Variants in NBAS observed in about 807,000 individuals in gnomAD.
NBAS encodes the protein NAG/BC035112 fusion.
A neutral mutation model predicts 302.5 loss-of-function variants in NBAS; 219 were observed. The observed-to-expected ratio is 0.72, with a 90% confidence interval of 0.65 to 0.81. The LOEUF is 0.81. NBAS is among the 30% of genes least tolerant of loss of function. NBAS has a pLI of 0.00. For missense variants in NBAS, 2,932 were observed against 2,841.6 expected, an observed-to-expected ratio of 1.03 and a Z score of -0.72; for synonymous variants, 1,118 against 1,021.6, an observed-to-expected ratio of 1.09 and a Z score of -1.80.
chr2:14,780,705 C>T, the NBAS span, among the ~76,000 whole-genome samples: 1 of 152,338 alleles, frequency 6.6e-6, no homozygotes, highest in South Asian at 2.1e-4. Context: ...TAGAACCCCA[C>T]TTTCACCCCA....
intron 1 of NBAS, 29 bp downstream of exon 1, chr2:15,561,159 G>T: frequency 6.2e-7 from 1 of 1,602,872 alleles, no homozygotes. Context: ...GCGCCAAGCT[G>T]GCTGCTGCTG....
chr2:14,842,118 T>G, the NBAS span, among the ~76,000 whole-genome samples: 1 of 151,948 alleles, frequency 6.6e-6, no homozygotes, highest in Non-Finnish European at 1.5e-5. Context: ...GAGGGAAATT[T>G]TCAAACTTCT....
intron 6 of NBAS, 141 bp from the exon 7 acceptor site, chr2:15,539,497 TA>T (rs201994226): frequency 1.9e-6 from 2 of 1,036,834 alleles, no homozygotes; most frequent in Admixed American, 2.2e-5. Context: ...CTTCCCTCAA[TA>T]AAAAAGAGCA....
chr2:15,497,217 T>G (rs1158133229), intron 11 of NBAS, among the ~76,000 whole-genome samples: 1 of 152,196 alleles, frequency 6.6e-6, no homozygotes, highest in Admixed American at 6.5e-5. Flanking sequence ...CTGTCATCAT[T>G]CTTAGTTCAA....
At chr2:14,792,475 G>A in the NBAS span, among the ~76,000 whole-genome samples, 1 of 152,056 alleles carries the variant, frequency 6.6e-6, no homozygotes, top group Admixed American at 6.6e-5. Flanking sequence ...AGTATTGGGA[G>A]GGAGTATCAT....
intron 47 of NBAS, among the ~76,000 whole-genome samples, chr2:15,229,273 A>T (rs1195509037): frequency 3.5e-5 from 5 of 141,048 alleles, no homozygotes; most frequent in Non-Finnish European, 6.1e-5. Flanking sequence ...ACCCGGGGGC[A>T]GAGGTTGCAG....
Position 15,475,841 on chromosome 2 carries a change from C to T in NBAS, c.1187G>A (p.Trp396Ter), listed in dbSNP as rs1191094905. 2 of 1,613,926 alleles carry T rather than the reference C, an allele frequency of 1.2e-6. No individual in the cohort carries two copies. Among genetic ancestry groups the T allele is most frequent in the Non-Finnish European group, 1.7e-6 (2 of 1,179,900 alleles). ...AGCTAAAGTCACTGCACTGTCTGCCCACCAATTGACATCTATCAGTGGGTA... is the reference window on the plus strand; with the variant it reads ...AGCTAAAGTCACTGCACTGTCTGCCTACCAATTGACATCTATCAGTGGGTA... ...SFYPLIDVNW[W>*]ADSAVTLARC... The change falls in exon 14 of 52, where the codon TGG becomes TAG. Residue 396 changes from tryptophan (W) to a stop codon, truncating the protein, a stop_gained. Transcript: ENST00000281513. LOFTEE classifies it high-confidence loss of function.
chr2:15,049,412 C>T, the NBAS span, among the ~76,000 whole-genome samples: 3 of 152,192 alleles, frequency 2.0e-5, no homozygotes, highest in African/African-American at 7.2e-5. Context: ...CTCCTGCAGC[C>T]TGGAGGTCCC....
chr2:15,432,333 G>A lies in NBAS; in HGVS notation c.2340-4539C>T, dbSNP rs1301976478. ...TCAAATTATCTCTTTACAAAATAAT[G>A]GCTGCTTTTACTTAATTTTAGGATT... On this transcript the variant is annotated intron_variant, in intron 21 of 51. Transcript: ENST00000281513. Among the ~76,000 whole-genome samples, 3 of 149,192 alleles carry A rather than the reference G, an allele frequency of 2.0e-5. No individual in the cohort carries two copies. The East Asian group carries it at 5.8e-4, about 29-fold the overall frequency.
the NBAS span, among the ~76,000 whole-genome samples, chr2:15,044,019 T>C: frequency 6.6e-6 from 1 of 152,182 alleles, no homozygotes; most frequent in Non-Finnish European, 1.5e-5. Flanking sequence ...GCTGATTGAC[T>C]GGATGGATAA....
the NBAS span, among the ~76,000 whole-genome samples, chr2:15,010,307 A>G: frequency 6.6e-6 from 1 of 152,204 alleles, no homozygotes; most frequent in African/African-American, 2.4e-5. Context: ...AAAATTAAAA[A>G]TTAATATGAA....
chr2:14,912,067 C>A, the NBAS span, among the ~76,000 whole-genome samples: 2 of 152,166 alleles, frequency 1.3e-5, no homozygotes, highest in Non-Finnish European at 2.9e-5. Flanking sequence ...AGTCTTCAAA[C>A]CTTTACAGCA....
the NBAS span, among the ~76,000 whole-genome samples, chr2:14,887,399 C>CAAAA: frequency 1.2e-5 from 1 of 84,624 alleles, no homozygotes; most frequent in African/African-American, 4.5e-5. Flanking sequence ...TGAGACTCCT[C>CAAAA]AAAAAAAAAA....
chr2:14,931,881 T>C, the NBAS span, among the ~76,000 whole-genome samples: 2 of 152,248 alleles, frequency 1.3e-5, no homozygotes, highest in Non-Finnish European at 2.9e-5. Context: ...TGTTTTCTTA[T>C]GTATTAGAAT....
chr2:15,352,537 G>A (rs1199198976), intron 34 of NBAS, among the ~76,000 whole-genome samples: 1 of 152,156 alleles, frequency 6.6e-6, no homozygotes, highest in African/African-American at 2.4e-5. Context: ...TTTGACCTTT[G>A]GCTTAGAGCT....
At chr2:15,097,134 T>C in the NBAS span, among the ~76,000 whole-genome samples, 1 of 152,114 alleles carries the variant, frequency 6.6e-6, no homozygotes, top group African/African-American at 2.4e-5. Context: ...CTGAGGTATT[T>C]ATGTAGCACC....
intron 25 of NBAS, among the ~76,000 whole-genome samples, chr2:15,409,920 G>C (rs1262653161): frequency 2.6e-5 from 4 of 152,110 alleles, no homozygotes; most frequent in Non-Finnish European, 5.9e-5. Context: ...AAGCAAACTA[G>C]GTATCACCAG....
chr2:15,455,523 T>C (rs1053389826), intron 21 of NBAS, among the ~76,000 whole-genome samples: 2 of 152,080 alleles, frequency 1.3e-5, no homozygotes, highest in Non-Finnish European at 2.9e-5. Flanking sequence ...GCAATAAGTA[T>C]ATGAAGTATA....
chr2:15,460,217 T>G (rs1188523270), intron 21 of NBAS, among the ~76,000 whole-genome samples: 1 of 152,210 alleles, frequency 6.6e-6, no homozygotes, highest in East Asian at 1.9e-4. Flanking sequence ...AACAGTGTAC[T>G]ACAAGGTACT....
Sources: gnomAD v4.1 joint callset for allele counts (sites outside exome capture counted in the v4.1 genomes callset) on GRCh38, gnomAD v4.1.1 for gene constraint, MANE v1.5 for transcripts, NCBI Gene and HGNC (gene_info 2026-07-23, HGNC 2026-07-21) for gene names.